SLC39A9: variants seen among roughly 807,000 people sequenced by gnomAD.
SLC39A9 encodes the protein zinc transporter ZIP9.
A neutral mutation model predicts 28.4 loss-of-function variants in SLC39A9; 14 were observed. The ratio of observed to expected loss-of-function variants is 0.49; its 90% CI spans 0.33 to 0.77. The LOEUF is 0.77. Ranked by LOEUF, SLC39A9 falls within the 30% of genes least tolerant of loss-of-function variation. The pLI, the probability that SLC39A9 is intolerant of heterozygous loss-of-function variation, is 0.02. For synonymous variants in SLC39A9, 119 were observed against 149.6 expected, an observed-to-expected ratio of 0.80 and a Z score of 1.49; for missense variants, 283 against 381.1, an observed-to-expected ratio of 0.74 and a Z score of 2.14.
At chr14:69,452,605 C>T (rs1396864943) in intron 3 of SLC39A9, among the ~76,000 whole-genome samples, 2 of 152,168 alleles carry the variant, frequency 1.3e-5, no homozygotes, top group Non-Finnish European at 2.9e-5. Context: ...GCTGGGATTA[C>T]AGGTGTGAGC....
rs1213335030 is a variant in SLC39A9 at position 69,461,253 on chromosome 14, T to G, written c.*2660T>G. On this transcript the variant is annotated 3_prime_UTR_variant, in exon 7 of 7. Transcript: ENST00000336643. The stretch of plus-strand genomic sequence containing the variant: ...TCCGTTTCCTTGGTAGGGATAGACT[T>G]TCTTCAGATTCCAAGTGCTCTCTTA... 1.0e-6 allele frequency: 1 copy of G among 989,780 alleles called. No homozygotes were observed. The highest frequency in any genetic ancestry group is 1.7e-5 in the African/African-American group (1 of 57,348). The allele number at this position is 989,780 out of a possible 1,614,324, so 61.3% of individuals were successfully genotyped here.
At chr14:69,425,303 A>G (rs1383057311) in intron 2 of SLC39A9, among the ~76,000 whole-genome samples, 2 of 152,206 alleles carry the variant, frequency 1.3e-5, no homozygotes, top group Non-Finnish European at 1.5e-5. Context: ...TACATAGAAC[A>G]GTATTTTCTT....
At position 69,460,203 on chromosome 14, in the gene SLC39A9, TA is replaced by T; in HGVS notation, c.*1615del. 1 of 985,864 alleles carries T rather than the reference TA, an allele frequency of 1.0e-6. No homozygotes were observed. The highest frequency in any genetic ancestry group is 5.2e-4 in the Middle Eastern group (1 of 1,914). The allele number at this position is 985,864 out of a possible 1,614,324, so 61.1% of individuals were successfully genotyped here. ...TCAGGGCAGTGGACGTAGTAGTTTG[TA>T]AAAACGTTTTCTATGACGCATAAGC... is the stretch of plus-strand genomic sequence containing the variant. On this transcript the variant is annotated 3_prime_UTR_variant, in exon 7 of 7. Transcript: ENST00000336643.
At chr14:69,437,454 G>A (rs1375293574) in intron 2 of SLC39A9, among the ~76,000 whole-genome samples, 2 of 152,134 alleles carry the variant, frequency 1.3e-5, no homozygotes, top group African/African-American at 4.8e-5. Flanking sequence ...TTTTTGGTGT[G>A]TTTTGTCCAG....
intron 1 of SLC39A9, among the ~76,000 whole-genome samples, chr14:69,403,981 T>G (rs1318337817): frequency 6.6e-6 from 1 of 152,164 alleles, no homozygotes; most frequent in Non-Finnish European, 1.5e-5. Context: ...AGGCGGAGGT[T>G]GCAGTGAACC....
chr14:69,445,218 G>A (rs963678917), intron 3 of SLC39A9, among the ~76,000 whole-genome samples: 1 of 151,986 alleles, frequency 6.6e-6, no homozygotes, highest in Admixed American at 6.6e-5. Context: ...TACACTGAGT[G>A]TGGCTGCCTC....
chr14:69,407,301 TC>T (rs200085350), intron 1 of SLC39A9, among the ~76,000 whole-genome samples: 7 of 134,038 alleles, frequency 5.2e-5, no homozygotes, highest in African/African-American at 1.7e-4. Flanking sequence ...TTCCCTTCCT[TC>T]CCTTCCTTCC....
chr14:69,438,539 C>G (rs1354049810), intron 2 of SLC39A9, among the ~76,000 whole-genome samples: 2 of 152,102 alleles, frequency 1.3e-5, no homozygotes, highest in Admixed American at 1.3e-4. Context: ...TCTTACTCTT[C>G]TGTAATTATA....
chr14:69,403,862 G>A (rs924902837), intron 1 of SLC39A9, among the ~76,000 whole-genome samples: 4 of 151,942 alleles, frequency 2.6e-5, no homozygotes, highest in African/African-American at 9.7e-5. Flanking sequence ...TGACCAACAC[G>A]GAGAAACCCT....
At chr14:69,419,166 CT>C (rs1883745946) in intron 1 of SLC39A9, among the ~76,000 whole-genome samples, 1 of 152,196 alleles carries the variant, frequency 6.6e-6, no homozygotes, top group Admixed American at 6.5e-5. Flanking sequence ...CTACACACTG[CT>C]TTAAATGTGT....
chr14:69,414,050 CTTTT>C (rs1186216595), intron 1 of SLC39A9, among the ~76,000 whole-genome samples: 5 of 132,172 alleles, frequency 3.8e-5, no homozygotes, highest in African/African-American at 5.6e-5. Context: ...ATTTCATATT[CTTTT>C]TTTTTTTTTT....
In SLC39A9 at chr14:69,454,397, G is replaced by A. The variant is rs549387257; in HGVS notation, c.473-415G>A. Among the ~76,000 whole-genome samples, 3 of 152,326 alleles carry A rather than the reference G, an allele frequency of 2.0e-5. No homozygotes were observed. The South Asian group carries it at 6.2e-4, about 32-fold the overall frequency. On this transcript the variant is annotated intron_variant, in intron 4 of 6. Coordinates refer to ENST00000336643, the MANE Select transcript of SLC39A9 (RefSeq NM_018375.5). ...CAATCCTCCTGCCTCAGCCTCCCAA[G>A]TAGCTGGGACTATTTTGTTTCTTAA...
chr14:69,434,045 A>G (rs1261082742), intron 2 of SLC39A9, among the ~76,000 whole-genome samples: 1 of 151,572 alleles, frequency 6.6e-6, no homozygotes, highest in Non-Finnish European at 1.5e-5. Context: ...TCGGCCTCCC[A>G]AAGTGCTGAG....
intron 3 of SLC39A9, among the ~76,000 whole-genome samples, chr14:69,448,448 C>G (rs1885449659): frequency 6.6e-6 from 1 of 152,096 alleles, no homozygotes; most frequent in Non-Finnish European, 1.5e-5. Flanking sequence ...TCCTGCACCT[C>G]TAGATGTGAT....
Position 69,461,360 on chromosome 14 carries a change from A to G in SLC39A9, c.*2767A>G, listed in dbSNP as rs1886104090. ...TTAATTGCTTGTCAGTTCCATTTCA[A>G]GAAAGCAGTGATGTTCCAGGTTTGA... On this transcript the variant is annotated 3_prime_UTR_variant, in exon 7 of 7. Transcript: ENST00000336643. 8.9e-7 allele frequency: 1 copy of G among 1,121,350 alleles called. No individual in the cohort carries two copies. Among genetic ancestry groups the G allele is most frequent in the South Asian group, 2.9e-5 (1 of 34,468 alleles). 69.5% of individuals were successfully genotyped at this position (1,121,350 alleles called of 1,614,324 possible).
At chr14:69,454,225 A>G (rs560092487) in intron 4 of SLC39A9, among the ~76,000 whole-genome samples, 3 of 152,360 alleles carry the variant, frequency 2.0e-5, no homozygotes, top group South Asian at 4.1e-4. Context: ...ACCAGTGTTT[A>G]CTTATTAAGT....
At chr14:69,453,157 G>T (rs55808812) in intron 3 of SLC39A9, 84 bp from the exon 4 acceptor site, 2 of 1,207,350 alleles carry the variant, frequency 1.7e-6, no homozygotes, top group South Asian at 2.5e-5. Context: ...GCCAACATTA[G>T]TGAAATTCTT....
At chr14:69,417,108 T>C (rs543176692) in intron 1 of SLC39A9, among the ~76,000 whole-genome samples, 41 of 152,324 alleles carry the variant, frequency 2.7e-4, no homozygotes, top group African/African-American at 9.9e-4. Flanking sequence ...GTTTTAGGTG[T>C]AACATTTAAG....
chr14:69,399,112 A>G lies in SLC39A9; in HGVS notation c.-258A>G, dbSNP rs1484847170. The G allele has an allele frequency of 4.4e-6, 2 of 453,036 alleles. No homozygotes were observed. The highest frequency in any genetic ancestry group is 7.8e-6 in the Non-Finnish European group (2 of 257,600). The allele number at this position is 453,036 out of a possible 1,614,324, so 28.1% of individuals were successfully genotyped here. Reference sequence around the variant, plus strand: ...TCTGTTAACCCACGAGAATCTAATGACTGGCATCTGAGAACCCAGAGCCTG... The same window carrying G: ...TCTGTTAACCCACGAGAATCTAATGGCTGGCATCTGAGAACCCAGAGCCTG... On this transcript the variant is annotated 5_prime_UTR_variant, in exon 1 of 7. Coordinates refer to ENST00000336643, the MANE Select transcript of SLC39A9 (RefSeq NM_018375.5).
Sources: gnomAD v4.1 joint callset for allele counts (sites outside exome capture counted in the v4.1 genomes callset) on GRCh38, gnomAD v4.1.1 for gene constraint, MANE v1.5 for transcripts, NCBI Gene and HGNC (gene_info 2026-07-23, HGNC 2026-07-21) for gene names.